ADK: variants seen among roughly 807,000 people sequenced by gnomAD.
ADK encodes the protein N6,N6-dimethyladenosine kinase.
In ADK, 24 loss-of-function variants were observed where a neutral mutation model predicts 44.7. That is an observed-to-expected ratio of 0.54 (90% CI 0.39 to 0.76). ADK has a LOEUF of 0.76. ADK is among the 30% of genes least tolerant of loss of function. The probability of loss-of-function intolerance (pLI) is 0.00; values close to 1 mark genes in which losing one functional copy is unlikely to be tolerated. For synonymous variants in ADK, 128 were observed against 142.6 expected (o/e 0.90, Z 0.73); for missense variants, 321 against 425.1 (o/e 0.76, Z 2.15).
At chr10:74,514,808 C>T (rs1848496618) in intron 6 of ADK, among the ~76,000 whole-genome samples, 5 of 151,984 alleles carry the variant, frequency 3.3e-5, no homozygotes, top group Admixed American at 3.3e-4. Flanking sequence ...TTTGACATTA[C>T]ATGTTTTCTT....
chr10:74,431,577 C>G (rs550650726), intron 6 of ADK, among the ~76,000 whole-genome samples: 1 of 152,228 alleles, frequency 6.6e-6, no homozygotes, highest in South Asian at 2.1e-4. Flanking sequence ...CTTATCTCCA[C>G]TAAAACTACG....
chr10:74,198,833 G>A lies in ADK; in HGVS notation c.66-1931G>A, dbSNP rs148382853. Among the ~76,000 whole-genome samples the A allele has an allele frequency of 2.3e-3, 343 of 152,078 alleles. 2 individuals carry two copies. Among genetic ancestry groups the A allele is most frequent in the African/African-American group, 7.6e-3 (316 of 41,500 alleles). On this transcript the variant is annotated intron_variant, in intron 1 of 10. Coordinates refer to ENST00000539909, the MANE Select transcript of ADK (RefSeq NM_006721.4). ...GTTAAATATAATTTAAAATTATATC[G>A]TTTCTTGTTGATTTGTTTGTTTTTG...
At chr10:74,446,146 T>C (rs1845579114) in intron 6 of ADK, among the ~76,000 whole-genome samples, 1 of 152,116 alleles carries the variant, frequency 6.6e-6, no homozygotes. Flanking sequence ...TCTTTCATAC[T>C]GATTTAAGAC....
chr10:74,705,131 T>C (rs1034659837), intron 10 of ADK, among the ~76,000 whole-genome samples: 1 of 152,196 alleles, frequency 6.6e-6, no homozygotes, highest in African/African-American at 2.4e-5. Context: ...AGGACATAAA[T>C]CACTTATAAT....
At chr10:74,553,452 G>A (rs2133790945) in intron 7 of ADK, among the ~76,000 whole-genome samples, 1 of 151,958 alleles carries the variant, frequency 6.6e-6, no homozygotes, top group South Asian at 2.1e-4. Flanking sequence ...GCCCTCCTCG[G>A]CCTCCCAAAG....
At chr10:74,313,220 A>G (rs1366887271) in intron 3 of ADK, among the ~76,000 whole-genome samples, 1 of 152,108 alleles carries the variant, frequency 6.6e-6, no homozygotes, top group Non-Finnish European at 1.5e-5. Flanking sequence ...AGAATTTTGC[A>G]TGCAATAGTG....
intron 4 of ADK, among the ~76,000 whole-genome samples, chr10:74,371,149 A>G (rs1210965777): frequency 6.6e-6 from 1 of 152,220 alleles, no homozygotes; most frequent in Non-Finnish European, 1.5e-5. Context: ...TTATGTTTAC[A>G]TGTTGGAAAC....
At chr10:74,564,587 T>C (rs775983961) in intron 7 of ADK, among the ~76,000 whole-genome samples, 14 of 152,216 alleles carry the variant, frequency 9.2e-5, no homozygotes, top group Non-Finnish European at 2.9e-5. Context: ...GTTTTTGATA[T>C]TTATTTTTTA....
intron 7 of ADK, among the ~76,000 whole-genome samples, chr10:74,541,734 A>G (rs1849633343): frequency 6.8e-6 from 1 of 146,796 alleles, no homozygotes; most frequent in African/African-American, 2.5e-5. Context: ...TTGAGGCTGC[A>G]TTGAGCCATG....
intron 9 of ADK, among the ~76,000 whole-genome samples, chr10:74,652,823 T>C (rs986371844): frequency 6.6e-6 from 1 of 151,846 alleles, no homozygotes; most frequent in African/African-American, 2.4e-5. Flanking sequence ...TATTTAACAG[T>C]CAGCTCATAG....
intron 7 of ADK, among the ~76,000 whole-genome samples, chr10:74,544,374 G>C (rs1232852029): frequency 6.6e-6 from 1 of 152,160 alleles, no homozygotes; most frequent in African/African-American, 2.4e-5. Flanking sequence ...AATTCTGAGG[G>C]TTTTTGAAGC....
At chr10:74,205,097 A>AT (rs1843544691) in intron 2 of ADK, among the ~76,000 whole-genome samples, 1 of 151,672 alleles carries the variant, frequency 6.6e-6, no homozygotes, top group Non-Finnish European at 1.5e-5. Context: ...ACACCAAAAC[A>AT]AAAAAACCCA....
intron 10 of ADK, among the ~76,000 whole-genome samples, chr10:74,674,756 C>A (rs1589359640): frequency 6.6e-6 from 1 of 152,196 alleles, no homozygotes; most frequent in Non-Finnish European, 1.5e-5. Context: ...GCGTTGCATG[C>A]CTGAAGTCCC....
At chr10:74,475,152 A>C (rs1274872893) in intron 6 of ADK, among the ~76,000 whole-genome samples, 5 of 152,056 alleles carry the variant, frequency 3.3e-5, no homozygotes, top group Non-Finnish European at 5.9e-5. Flanking sequence ...GCAAACAAAA[A>C]AAAACAAAAC....
intron 6 of ADK, among the ~76,000 whole-genome samples, chr10:74,429,789 G>A (rs1844919971): frequency 6.6e-6 from 1 of 152,180 alleles, no homozygotes; most frequent in African/African-American, 2.4e-5. Context: ...TCTATCAGGA[G>A]CTTTCATGTT....
intron 6 of ADK, among the ~76,000 whole-genome samples, chr10:74,449,474 G>GT (rs1306006418): frequency 6.6e-6 from 1 of 152,026 alleles, no homozygotes; most frequent in Non-Finnish European, 1.5e-5. Context: ...TTGGGATAAA[G>GT]TTTTTTGAAA....
intron 6 of ADK, among the ~76,000 whole-genome samples, chr10:74,436,498 C>T (rs932200427): frequency 1.3e-5 from 2 of 150,548 alleles, no homozygotes; most frequent in Non-Finnish European, 3.0e-5. Flanking sequence ...AAAAAGTTTC[C>T]ATGACTCTTC....
intron 9 of ADK, among the ~76,000 whole-genome samples, chr10:74,663,939 T>G (rs1051196037): frequency 1.2e-4 from 18 of 152,198 alleles, no homozygotes; most frequent in African/African-American, 3.6e-4. Flanking sequence ...GATTCTCATT[T>G]TTTCCCTATT....
chr10:74,539,014 C>G (rs1239756741), intron 7 of ADK, among the ~76,000 whole-genome samples: 11 of 151,862 alleles, frequency 7.2e-5, no homozygotes, highest in Admixed American at 7.2e-4. Flanking sequence ...AGATATTCTT[C>G]TTTTGGTTAA....
Sources: gnomAD v4.1 joint callset for allele counts (sites outside exome capture counted in the v4.1 genomes callset) on GRCh38, gnomAD v4.1.1 for gene constraint, MANE v1.5 for transcripts, NCBI Gene and HGNC (gene_info 2026-07-23, HGNC 2026-07-21) for gene names.